COX10: variants seen among roughly 807,000 people sequenced by gnomAD.
COX10 encodes the protein cytochrome c oxidase assembly factor heme A:farnesyltransferase COX10, also known as protoheme IX farnesyltransferase, mitochondrial.
A neutral mutation model predicts 37.3 loss-of-function variants in COX10; 27 were observed. The observed-to-expected ratio is 0.72, with a 90% CI of 0.53 to 1.00. The LOEUF is 1.00. Ranked by LOEUF, COX10 falls within the 50% of genes least tolerant of loss-of-function variation. The pLI, the probability that COX10 is intolerant of heterozygous loss-of-function variation, is 0.00. For synonymous variants in COX10, 222 were observed against 229.1 expected (o/e 0.97, Z 0.28); for missense variants, 475 against 563.2 (o/e 0.84, Z 1.59).
chr17:14,130,448 T>C (rs1412732061), intron 4 of COX10, among the ~76,000 whole-genome samples: 1 of 152,236 alleles, frequency 6.6e-6, no homozygotes, highest in East Asian at 1.9e-4. Flanking sequence ...AATAATGTAT[T>C]GCTTAAGGTC....
intron 1 of COX10, among the ~76,000 whole-genome samples, chr17:14,070,031 G>A (rs182786583): frequency 6.2e-4 from 95 of 152,342 alleles, no homozygotes; most frequent in African/African-American, 2.2e-3. Flanking sequence ...AAGGTGCTTT[G>A]CTTCCACTCA....
At chr17:14,091,896 A>T (rs1567589195) in intron 3 of COX10, among the ~76,000 whole-genome samples, 1 of 151,944 alleles carries the variant, frequency 6.6e-6, no homozygotes, top group Non-Finnish European at 1.5e-5. Flanking sequence ...CCAACTAACA[A>T]TTTTTTTGCC....
intron 5 of COX10, among the ~76,000 whole-genome samples, chr17:14,168,660 G>T (rs1451378678): frequency 1.3e-5 from 2 of 152,174 alleles, no homozygotes; most frequent in African/African-American, 4.8e-5. Flanking sequence ...CAAGGCTTGG[G>T]GCTTGCACCT....
At chr17:14,189,103 A>G (rs1164304358) in intron 5 of COX10, among the ~76,000 whole-genome samples, 2 of 143,582 alleles carry the variant, frequency 1.4e-5, no homozygotes, top group South Asian at 2.3e-4. Flanking sequence ...TTTTGAAGAA[A>G]TGCCTCAGGA....
chr17:14,152,259 C>T (rs908940437), intron 4 of COX10, among the ~76,000 whole-genome samples: 25 of 152,146 alleles, frequency 1.6e-4, no homozygotes, highest in African/African-American at 4.8e-4. Context: ...CCTACAGTTC[C>T]ACATGGCTGG....
chr17:14,142,725 A>C (rs1387194275), intron 4 of COX10, among the ~76,000 whole-genome samples: 3 of 152,222 alleles, frequency 2.0e-5, no homozygotes, highest in Non-Finnish European at 4.4e-5. Flanking sequence ...GCTATTAAAA[A>C]GAGAACTGAA....
chr17:14,078,704 G>A (rs1028503331), intron 3 of COX10, among the ~76,000 whole-genome samples: 37 of 152,202 alleles, frequency 2.4e-4, no homozygotes, highest in Admixed American at 1.9e-3. Context: ...GCTGCCCAGC[G>A]TTGCCAAACT....
chr17:14,074,561 A>C (rs957596856), intron 2 of COX10, 105 bp downstream of exon 2: 1 of 1,120,512 alleles, frequency 8.9e-7, no homozygotes, highest in East Asian at 2.4e-5. Flanking sequence ...ATACTGTTTG[A>C]AAAGAACTTT....
chr17:14,137,089 T>C (rs1231971543), intron 4 of COX10, among the ~76,000 whole-genome samples: 1 of 151,940 alleles, frequency 6.6e-6, no homozygotes, highest in Non-Finnish European at 1.5e-5. Context: ...GTGAGGATGC[T>C]AGAAGGCAGG....
rs1026543095 is a variant in COX10 at position 14,115,033 on chromosome 17, A to G, written c.624+12791A>G. ...ACTAGCTTATGAGTCCCCTCTTGCT[A>G]TAAGGGCATATTTTATTCATCTTAA... On this transcript the variant is annotated intron_variant, in intron 4 of 6. Transcript: ENST00000261643. Among the ~76,000 whole-genome samples the G allele has an allele frequency of 9.2e-5, 14 of 152,090 alleles. 1 individual carries two copies. The highest frequency in any genetic ancestry group is 9.2e-4 in the Admixed American group (14 of 15,252).
intron 4 of COX10, among the ~76,000 whole-genome samples, chr17:14,140,011 A>G (rs553522802): frequency 1.3e-5 from 2 of 152,268 alleles, no homozygotes; most frequent in East Asian, 3.9e-4. Flanking sequence ...TTTACAAGGA[A>G]CTTTCTTCCT....
chr17:14,199,892 C>A (rs192064464), intron 6 of COX10, among the ~76,000 whole-genome samples: 132 of 152,260 alleles, frequency 8.7e-4, no homozygotes, highest in Non-Finnish European at 1.6e-3. Flanking sequence ...CCCCAGCTAG[C>A]CCCCAGTCTA....
At chr17:14,179,228 G>A (rs975043542) in intron 5 of COX10, 201 of 983,128 alleles carry the variant, frequency 2.0e-4, no homozygotes, top group Non-Finnish European at 2.2e-4. Flanking sequence ...TGTAGACACC[G>A]TTCATCTACC....
At chr17:14,180,278 A>C (rs1905817396) in intron 5 of COX10, among the ~76,000 whole-genome samples, 1 of 152,070 alleles carries the variant, frequency 6.6e-6, no homozygotes, top group African/African-American at 2.4e-5. Context: ...AAGTATAGAA[A>C]TTTCTTTTTT....
intron 4 of COX10, among the ~76,000 whole-genome samples, chr17:14,110,336 A>G (rs890211470): frequency 5.9e-5 from 9 of 152,150 alleles, no homozygotes; most frequent in Admixed American, 1.3e-4. Flanking sequence ...TTCAGCAGAC[A>G]TTGATTTTCT....
chr17:14,075,340 A>T (rs990924207), intron 2 of COX10, among the ~76,000 whole-genome samples: 5 of 152,152 alleles, frequency 3.3e-5, no homozygotes, highest in African/African-American at 7.2e-5. Flanking sequence ...ATAATTCTTT[A>T]TTAAGACTAA....
intron 6 of COX10, among the ~76,000 whole-genome samples, chr17:14,202,341 C>T (rs1293421696): frequency 1.3e-5 from 2 of 151,874 alleles, no homozygotes; most frequent in African/African-American, 2.4e-5. Flanking sequence ...CCTCCCTCCT[C>T]AGACTCCCAA....
At chr17:14,104,036 T>G (rs1333803917) in intron 4 of COX10, among the ~76,000 whole-genome samples, 1 of 152,142 alleles carries the variant, frequency 6.6e-6, no homozygotes, top group Non-Finnish European at 1.5e-5. Context: ...CCGCTGGAAC[T>G]CCGTGTCATG....
At chr17:14,112,465 T>C (rs1375064004) in intron 4 of COX10, among the ~76,000 whole-genome samples, 1 of 152,186 alleles carries the variant, frequency 6.6e-6, no homozygotes, top group Non-Finnish European at 1.5e-5. Flanking sequence ...TCTGGAAGGA[T>C]CCATGTATAT....
Sources: allele counts gnomAD v4.1 joint callset (sites outside exome capture counted in the v4.1 genomes callset), GRCh38; gene constraint gnomAD v4.1.1; transcripts MANE v1.5; gene names NCBI Gene and HGNC (gene_info 2026-07-23, HGNC 2026-07-21).